KIF21B: variants seen among roughly 807,000 people sequenced by gnomAD.
The protein encoded by KIF21B is kinesin family member 21B, also known as kinesin-like protein KIF21B.
Under a neutral mutation model 192.9 loss-of-function variants are expected in KIF21B, and 85 were observed. The observed-to-expected ratio is 0.44, with a 90% CI of 0.37 to 0.53. The LOEUF (loss-of-function observed/expected upper bound fraction) is 0.53, where lower values mean the gene tolerates loss of function less well. KIF21B is among the 20% of genes least tolerant of loss of function. The pLI is 0.00. For missense variants in KIF21B, 1,716 were observed against 2,194.8 expected, an observed-to-expected ratio of 0.78 and a Z score of 4.36; for synonymous variants, 832 against 884.6, an observed-to-expected ratio of 0.94 and a Z score of 1.05.
At position 201,003,776 on chromosome 1, in the gene KIF21B, G is replaced by A. The variant is rs1262345783; in HGVS notation, c.1022C>T (p.Thr341Ile). Residue 341 changes from threonine to isoleucine, a missense_variant, in exon 8 of 35, where the codon ACC becomes ATC. This residue lies in a region of KIF21B where 1,087 missense variants were observed against 1,316.6 expected (regional missense o/e 0.83). Transcript: ENST00000461742. ...GGGGCTCACACAGGCGATCATGATG[G>A]TCTGGCTGGGGGTGCAGAAAGGCTG... Reference protein sequence around the residue: ...LQDSLGGNSQTIMIACVSPSD... With the variant: ...LQDSLGGNSQIIMIACVSPSD... 1 of 1,614,170 alleles carries A rather than the reference G, an allele frequency of 6.2e-7. No individual in the cohort carries two copies.
rs1397796386 is a variant in KIF21B, at chr1:200,999,858, AG to A, written c.1767+24del. 6.2e-7 allele frequency: 1 copy of A among 1,611,378 alleles called. No homozygotes were observed. Among genetic ancestry groups the A allele is most frequent in the South Asian group, 1.1e-5 (1 of 91,058 alleles). ...AGGGACACAAGGCATGCATGTGGTG[AG>A]GTGGGGCGGCCCGTGCTCCTCACCT... is the stretch of plus-strand genomic sequence containing the variant. On this transcript the variant is annotated intron_variant, in intron 12 of 34. Coordinates refer to ENST00000461742, the MANE Select transcript of KIF21B (RefSeq NM_001252102.2). The surrounding 1 kb of genome is among the most constrained non-coding windows in gnomAD (Gnocchi z 4.7).
At chr1:200,974,497 T>C (rs1246931599) in intron 34 of KIF21B, among the ~76,000 whole-genome samples, 1 of 151,780 alleles carries the variant, frequency 6.6e-6, no homozygotes, top group Non-Finnish European at 1.5e-5. Flanking sequence ...CAGGGCCCAG[T>C]ACCTTCCTCC....
chr1:200,994,299 C>A (rs561067693), intron 15 of KIF21B, among the ~76,000 whole-genome samples: 3 of 152,318 alleles, frequency 2.0e-5, no homozygotes, highest in Admixed American at 6.5e-5. Context: ...GGCTGCAGGC[C>A]CCACCCCAGT....
intron 24 of KIF21B, 58 bp from the exon 25 acceptor site, chr1:200,987,259 G>T: frequency 6.8e-7 from 1 of 1,472,634 alleles, no homozygotes; most frequent in South Asian, 1.3e-5. Flanking sequence ...ACATAAAGGG[G>T]AGCCAGGGGA....
chr1:200,977,901 A>AT (rs779041464), intron 30 of KIF21B, among the ~76,000 whole-genome samples: 1 of 150,050 alleles, frequency 6.7e-6, no homozygotes, highest in Non-Finnish European at 1.5e-5. Context: ...TCCCAAGCTG[A>AT]TTTTGTATTT....
At chr1:200,985,811 C>A (rs1302797007) in intron 26 of KIF21B, among the ~76,000 whole-genome samples, 2 of 91,080 alleles carry the variant, frequency 2.2e-5, no homozygotes, top group Non-Finnish European at 4.4e-5. Flanking sequence ...CCTCCCCTCC[C>A]TTCCTTTCCC....
chr1:200,990,453 C>G lies in KIF21B; in HGVS notation c.2836-121G>C. The G allele has an allele frequency of 6.7e-7, 1 of 1,482,426 alleles. No homozygotes were observed. The highest frequency in any genetic ancestry group is 9.2e-7 in the Non-Finnish European group (1 of 1,090,188). 91.8% of individuals were successfully genotyped at this position (1,482,426 alleles called of 1,614,324 possible). On this transcript the variant is annotated intron_variant, in intron 19 of 34. Coordinates refer to ENST00000461742, the MANE Select transcript of KIF21B (RefSeq NM_001252102.2). This position sits in a 1 kb window ranked among gnomAD's most constrained non-coding sequence, Gnocchi z 5.4. ...AGGTCCCCCCAGCACCTCTGGATTCCAGAGCAGGCAAAAGGAGCAGAGGGA... is the reference window on the plus strand; with the variant it reads ...AGGTCCCCCCAGCACCTCTGGATTCGAGAGCAGGCAAAAGGAGCAGAGGGA...
chr1:201,021,721 A>C (rs1658837173), intron 1 of KIF21B, among the ~76,000 whole-genome samples: 4 of 152,098 alleles, frequency 2.6e-5, no homozygotes, highest in Admixed American at 2.6e-4. Context: ...TCTCTCCAGC[A>C]AGATGGAATC....
At chr1:200,978,851 T>G (rs1205792901) in intron 30 of KIF21B, among the ~76,000 whole-genome samples, 1 of 152,124 alleles carries the variant, frequency 6.6e-6, no homozygotes, top group East Asian at 1.9e-4. Context: ...CATGCTCAGC[T>G]AACTAAAAAT....
chr1:201,002,242 T>A lies in KIF21B; in HGVS notation c.1321A>T (p.Met441Leu). ...TTGATGGCATCGATGGCCTCCTGCA[T>A]GGCTTTCACCCGCAGCCGCAGGGCC... ...NGALRLRVKAMQEAIDAINNR... is the reference protein window; with the variant it reads ...NGALRLRVKALQEAIDAINNR... The change falls in exon 9 of 35, where the codon ATG becomes TTG. Residue 441 changes from methionine (M) to leucine (L), a missense_variant. This residue lies in a region of KIF21B where 1,087 missense variants were observed against 1,316.6 expected (regional missense o/e 0.83). Transcript: ENST00000461742. 6.2e-7 allele frequency: 1 copy of A among 1,614,252 alleles called. No individual in the cohort carries two copies. Among genetic ancestry groups the A allele is most frequent in the East Asian group, 2.2e-5 (1 of 44,890 alleles).
chr1:201,009,269 C>T lies in KIF21B; in HGVS notation c.261G>A (p.Gly87=), dbSNP rs139564901. Residue 87 remains glycine (G), a synonymous_variant, in exon 2 of 35, where the codon GGG becomes GGA. Coordinates refer to ENST00000461742, the MANE Select transcript of KIF21B (RefSeq NM_001252102.2). ...GGTGGGCGTGAAGATGGCTTACCTG[C>T]CCATAGGCCAGCACCGTGGCATTAT... The part of the protein sequence containing the change: ...EGYNATVLAY[G]QTGAGKTYTM... The T allele has an allele frequency of 2.8e-4, 448 of 1,613,820 alleles. No homozygotes were observed. Among genetic ancestry groups the T allele is most frequent in the Non-Finnish European group, 3.6e-4 (424 of 1,179,900 alleles).
chr1:201,023,471 G>C lies in KIF21B; in HGVS notation c.-88C>G, dbSNP rs1218168752. ...GGCAGCGGCTGCGGCTGCGGGAGGC[G>C]GGGGCGCGGGCGCGGCTGGCGGAGG... On this transcript the variant is annotated 5_prime_UTR_variant, in exon 1 of 35. Coordinates refer to ENST00000461742, the MANE Select transcript of KIF21B (RefSeq NM_001252102.2). The surrounding 1 kb of genome is among the most constrained non-coding windows in gnomAD (Gnocchi z 5.9). 9.8e-7 allele frequency: 1 copy of C among 1,020,258 alleles called. No homozygotes were observed. Among genetic ancestry groups the C allele is most frequent in the Non-Finnish European group, 1.3e-6 (1 of 790,244 alleles). 63.2% of individuals were successfully genotyped at this position (1,020,258 alleles called of 1,614,324 possible).
intron 22 of KIF21B, 100 bp downstream of exon 22, chr1:200,988,666 T>G: frequency 6.7e-7 from 1 of 1,499,822 alleles, no homozygotes; most frequent in Non-Finnish European, 9.1e-7. Context: ...CTGGTGGGGG[T>G]TAGGGGTGGT....
rs1657053435 is a variant in KIF21B at position 200,996,193 on chromosome 1, T to C, written c.2277+3A>G. On this transcript the variant is annotated splice_donor_region_variant and intron_variant, in intron 15 of 34. Coordinates refer to ENST00000461742, the MANE Select transcript of KIF21B (RefSeq NM_001252102.2). ...CCCCACTCCTCACACCCTCGGCCCC[T>C]ACCTTGGCCTTCTTCATCTCAGCCA... is the stretch of plus-strand genomic sequence containing the variant. 1 of 1,612,588 alleles carries C rather than the reference T, an allele frequency of 6.2e-7. No individual in the cohort carries two copies. The highest frequency in any genetic ancestry group is 1.3e-5 in the African/African-American group (1 of 74,868).
Position 200,999,867 on chromosome 1 carries a change from G to C in KIF21B, c.1767+16C>G, listed in dbSNP as rs1046733343. The C allele has an allele frequency of 7.4e-6, 12 of 1,612,860 alleles. No homozygotes were observed. The highest frequency in any genetic ancestry group is 1.0e-5 in the Non-Finnish European group (12 of 1,179,812). On this transcript the variant is annotated intron_variant, in intron 12 of 34. Transcript: ENST00000461742. The surrounding 1 kb of genome is among the most constrained non-coding windows in gnomAD (Gnocchi z 4.7). ...AGGCATGCATGTGGTGAGGTGGGGC[G>C]GCCCGTGCTCCTCACCTCCTCCGCC...
At position 200,970,514 on chromosome 1, in the gene KIF21B, C is replaced by T. The variant is rs3208703; in HGVS notation, c.*3007G>A. ...TCTCGCAAGGCAACTCCATGCGCTGCCTTTGAGAGTTCTGGCTGCTTCAGA... is the reference window on the plus strand; with the variant it reads ...TCTCGCAAGGCAACTCCATGCGCTGTCTTTGAGAGTTCTGGCTGCTTCAGA... On this transcript the variant is annotated 3_prime_UTR_variant, in exon 35 of 35. Coordinates refer to ENST00000461742, the MANE Select transcript of KIF21B (RefSeq NM_001252102.2). 0.22 allele frequency: 33,135 copies of T among 152,498 alleles called. 4,014 individuals are homozygous for T. The highest frequency in any genetic ancestry group is 0.28 in the Non-Finnish European group (19,281 of 68,058). The allele number at this position is 152,498 out of a possible 1,614,324, so 9.4% of individuals were successfully genotyped here.
chr1:201,004,689 G>A (rs1044392962), intron 6 of KIF21B, 77 bp downstream of exon 6: 8 of 1,553,724 alleles, frequency 5.1e-6, no homozygotes, highest in Non-Finnish European at 7.1e-6. Flanking sequence ...CTCAGCAGGT[G>A]TAGGACTGCA....
In KIF21B at chr1:200,987,119, A is replaced by T; in HGVS notation, c.3491T>A (p.Ile1164Asn). ...GPPLDISTKN[I>N]TKSLASLVEI... ...AACGAGGGAGGCCAGGGACTTGGTG[A>T]TGTTCTTGGTGGAGATATCCAGTGG... is the stretch of plus-strand genomic sequence containing the variant. Residue 1164 changes from isoleucine to asparagine, a missense_variant, in exon 25 of 35, where the codon ATC (isoleucine) becomes AAC (asparagine). Around this residue, in one of 3 missense-constraint regions of KIF21B, gnomAD observed 580 missense variants for 775.5 expected, o/e 0.75. Coordinates refer to ENST00000461742, the MANE Select transcript of KIF21B (RefSeq NM_001252102.2). The T allele has an allele frequency of 1.2e-6, 2 of 1,613,974 alleles. No homozygotes were observed. Among genetic ancestry groups the T allele is most frequent in the Non-Finnish European group, 8.5e-7 (1 of 1,179,988 alleles).
At chr1:200,987,385 C>T (rs769446612) in intron 24 of KIF21B, among the ~76,000 whole-genome samples, 184 bp from the exon 25 acceptor site, 7 of 149,304 alleles carry the variant, frequency 4.7e-5, no homozygotes, top group East Asian at 2.0e-4. Flanking sequence ...AGACTACAGG[C>T]ACGTGCCACC....
Sources: gnomAD v4.1 joint callset for allele counts (sites outside exome capture counted in the v4.1 genomes callset) on GRCh38, gnomAD v4.1.1 for gene constraint, gnomAD v4.1.1 regional missense constraint, Gnocchi (gnomAD v3.1) non-coding constraint, MANE v1.5 for transcripts, NCBI Gene and HGNC (gene_info 2026-07-23, HGNC 2026-07-21) for gene names.